The following PGS1 variants were observed in gnomAD, a reference collection of about 807,000 sequenced individuals.
PGS1 encodes the protein phosphatidylglycerophosphate synthase 1, also known as CDP-diacylglycerol--glycerol-3-phosphate 3-phosphatidyltransferase, mitochondrial.
In PGS1, 44 loss-of-function variants were observed where a neutral mutation model predicts 58.3. The ratio of observed to expected loss-of-function variants is 0.75; its 90% confidence interval spans 0.59 to 0.97. PGS1 has a LOEUF of 0.97. PGS1 is among the 50% of genes least tolerant of loss of function. The pLI, the probability that PGS1 is intolerant of heterozygous loss-of-function variation, is 0.00. For missense variants in PGS1, 684 were observed against 731.1 expected (o/e 0.94, Z 0.74); for synonymous variants, 330 against 311.0 (o/e 1.06, Z -0.64).
At chr17:78,422,994 G>C (rs1325881146) in intron 9 of PGS1, among the ~76,000 whole-genome samples, 1 of 151,962 alleles carries the variant, frequency 6.6e-6, no homozygotes, top group Non-Finnish European at 1.5e-5. Context: ...TACTTGGGAG[G>C]TTGAGGCAGG....
At chr17:78,383,036 A>G (rs1360021807) in intron 1 of PGS1, among the ~76,000 whole-genome samples, 2 of 152,256 alleles carry the variant, frequency 1.3e-5, no homozygotes, top group Non-Finnish European at 2.9e-5. Context: ...TGCCTACTAT[A>G]CAAGGAAATA....
chr17:78,405,805 G>C (rs534211337), intron 7 of PGS1, among the ~76,000 whole-genome samples: 42 of 152,328 alleles, frequency 2.8e-4, no homozygotes, highest in African/African-American at 9.6e-4. Context: ...GGGCAGTCCA[G>C]AGGCCTGTTT....
intron 7 of PGS1, among the ~76,000 whole-genome samples, chr17:78,404,299 T>C: frequency 7.6e-6 from 1 of 131,808 alleles, no homozygotes; most frequent in Non-Finnish European, 1.6e-5. Flanking sequence ...TTTTTTTTTT[T>C]TTGTGACAGT....
intron 9 of PGS1, 155 bp downstream of exon 9, chr17:78,419,830 C>G (rs1028438091): frequency 1.1e-5 from 16 of 1,422,590 alleles, no homozygotes; most frequent in Non-Finnish European, 1.3e-5. Flanking sequence ...GGCAGCTGTC[C>G]TCAAAGTTAG....
chr17:78,406,037 C>G (rs1158277363), intron 7 of PGS1, among the ~76,000 whole-genome samples: 1 of 147,338 alleles, frequency 6.8e-6, no homozygotes, highest in Non-Finnish European at 1.6e-5. Flanking sequence ...CTGAAGCCGG[C>G]CAGGCGCGGT....
chr17:78,404,182 C>A, intron 7 of PGS1, 93 bp downstream of exon 7: 1 of 1,334,836 alleles, frequency 7.5e-7, no homozygotes. Flanking sequence ...TGTTAGAGTG[C>A]TGTACTTCTC....
Position 78,424,488 on chromosome 17 carries a change from C to A in PGS1, c.*438C>A, listed in dbSNP as rs1466979735. 3.3e-6 allele frequency: 1 copy of A among 299,470 alleles called. No individual in the cohort carries two copies. Among genetic ancestry groups the A allele is most frequent in the African/African-American group, 2.1e-5 (1 of 47,686 alleles). 18.6% of individuals were successfully genotyped at this position (299,470 alleles called of 1,614,324 possible). A position where few individuals can be genotyped will look rare whatever the true frequency, so the allele number is the denominator to read the frequency against. ...CAGCTAAAAATTACAGAGTAAAGTT[C>A]CCTGATTCTTAATGTGTAATGTCTG... On this transcript the variant is annotated 3_prime_UTR_variant, in exon 10 of 10. Transcript: ENST00000262764.
intron 5 of PGS1, chr17:78,399,893 AAG>A (rs2083521737): frequency 3.4e-6 from 1 of 293,912 alleles, no homozygotes; most frequent in African/African-American, 2.2e-5. Context: ...AAAAATAAAC[AAG>A]AGTCAGACCT....
intron 2 of PGS1, among the ~76,000 whole-genome samples, chr17:78,394,746 G>T (rs146192373): frequency 6.1e-4 from 93 of 152,028 alleles, no homozygotes; most frequent in Middle Eastern, 3.4e-3. Flanking sequence ...GTAGAGACAG[G>T]GTTTCTCCAT....
chr17:78,404,680 G>A (rs1231679998), intron 7 of PGS1, among the ~76,000 whole-genome samples: 1 of 152,042 alleles, frequency 6.6e-6, no homozygotes, highest in Non-Finnish European at 1.5e-5. Flanking sequence ...TTAGCTGTGA[G>A]ATGGAATGTC....
chr17:78,410,513 A>G (rs1217941310), intron 7 of PGS1, among the ~76,000 whole-genome samples: 2 of 112,030 alleles, frequency 1.8e-5, no homozygotes, highest in African/African-American at 7.0e-5. Flanking sequence ...TTGCTCTGTC[A>G]CCCAGGCTGG....
chr17:78,400,785 G>T lies in PGS1; in HGVS notation c.810G>T (p.Gly270=), dbSNP rs1482307904. 1 of 1,613,770 alleles carries T rather than the reference G, an allele frequency of 6.2e-7. No homozygotes were observed. The highest frequency in any genetic ancestry group is 8.5e-7 in the Non-Finnish European group (1 of 1,179,904). The part of the protein sequence containing the change: ...DFFTELVDAV[G]DVSLQLQGDD... ...TCACGGAGCTGGTGGACGCGGTGGG[G>T]GATGTGTCCCTGCAGCTGCAGGGGG... The change falls in exon 6 of 10, where the codon GGG becomes GGT. Residue 270 remains glycine, a synonymous_variant. Coordinates refer to ENST00000262764, the MANE Select transcript of PGS1 (RefSeq NM_024419.5). The surrounding 1 kb of genome is among the most constrained non-coding windows in gnomAD (Gnocchi z 4.4).
rs1026695847 is a variant in PGS1 at position 78,424,190 on chromosome 17, C to A, written c.*140C>A. 4.4e-6 allele frequency: 7 copies of A among 1,577,476 alleles called. No homozygotes were observed. The highest frequency in any genetic ancestry group is 4.3e-6 in the Non-Finnish European group (5 of 1,162,284). On this transcript the variant is annotated 3_prime_UTR_variant, in exon 10 of 10. Coordinates refer to ENST00000262764, the MANE Select transcript of PGS1 (RefSeq NM_024419.5). ...GTATGGCTGAGGGTCAGGTGTGCTG[C>A]CAGTAAGTGAGGGAGGGGCTGGCAG...
At chr17:78,392,041 C>T (rs2082872363) in intron 1 of PGS1, among the ~76,000 whole-genome samples, 3 of 152,184 alleles carry the variant, frequency 2.0e-5, no homozygotes, top group African/African-American at 7.2e-5. Flanking sequence ...AGACTTCTGC[C>T]AGACTTACCC....
chr17:78,398,274 T>C lies in PGS1; in HGVS notation c.434T>C (p.Leu145Pro), dbSNP rs368682025. The change falls in exon 4 of 10, where the codon CTA becomes CCA. Residue 145 changes from leucine (L) to proline (P), a missense_variant. Transcript: ENST00000262764. The part of the protein sequence containing the change: ...QELVDCLEST[L>P]EKSLQAKFPS... ...TAGGTGGACTGCCTGGAAAGTACTC[T>C]AGAAAAGTCACTCCAAGCAAAGTTT... The C allele has an allele frequency of 1.9e-6, 3 of 1,613,536 alleles. No homozygotes were observed. Among genetic ancestry groups the C allele is most frequent in the Non-Finnish European group, 2.5e-6 (3 of 1,179,424 alleles).
At chr17:78,407,418 G>A (rs1298975850) in intron 7 of PGS1, among the ~76,000 whole-genome samples, 1 of 152,230 alleles carries the variant, frequency 6.6e-6, no homozygotes, top group Non-Finnish European at 1.5e-5. Flanking sequence ...TGTCAGGTGA[G>A]AGATGAGTGG....
At chr17:78,423,862 TGTG>T (rs2086218522) in intron 9 of PGS1, 196 bp from the exon 10 acceptor site, 2 of 1,606,798 alleles carry the variant, frequency 1.2e-6, no homozygotes, top group Non-Finnish European at 1.7e-6. Flanking sequence ...AGGGCTGAGT[TGTG>T]GTCCAGCCCC....
intron 9 of PGS1, 127 bp downstream of exon 9, chr17:78,419,802 C>T: frequency 2.0e-6 from 3 of 1,499,804 alleles, no homozygotes; most frequent in South Asian, 1.2e-5. Flanking sequence ...AAACACAGAG[C>T]AGCATCTTCA....
At chr17:78,383,843 G>A (rs148697866) in intron 1 of PGS1, among the ~76,000 whole-genome samples, 40 of 152,346 alleles carry the variant, frequency 2.6e-4, no homozygotes, top group African/African-American at 9.1e-4. Context: ...GTATCCCTGA[G>A]CACGTTATAG....
Sources: allele counts gnomAD v4.1 joint callset (sites outside exome capture counted in the v4.1 genomes callset), GRCh38; gene constraint gnomAD v4.1.1; non-coding constraint Gnocchi (gnomAD v3.1); transcripts MANE v1.5; gene names NCBI Gene and HGNC (gene_info 2026-07-23, HGNC 2026-07-21).